Variants in PALM2AKAP2 observed in about 807,000 individuals in gnomAD.
PALM2AKAP2 encodes the protein PALM2-AKAP2 fusion protein.
Under a neutral mutation model 71.5 loss-of-function variants are expected in PALM2AKAP2, and 37 were observed. The ratio of observed to expected loss-of-function variants is 0.52; its 90% CI spans 0.40 to 0.68. The LOEUF is 0.68. Ranked by LOEUF, PALM2AKAP2 falls within the 30% of genes least tolerant of loss-of-function variation. The pLI is 0.00. For synonymous variants in PALM2AKAP2, 468 were observed against 478.8 expected, an observed-to-expected ratio of 0.98 and a Z score of 0.29; for missense variants, 1,224 against 1,191.8, an observed-to-expected ratio of 1.03 and a Z score of -0.40.
At chr9:109,932,387 C>T (rs1831126470) in intron 6 of PALM2AKAP2, among the ~76,000 whole-genome samples, 1 of 152,192 alleles carries the variant, frequency 6.6e-6, no homozygotes, top group Non-Finnish European at 1.5e-5. Context: ...AGAGAGCCAT[C>T]CATGATGGAA....
chr9:110,002,472 G>T (rs1268021394), intron 6 of PALM2AKAP2, among the ~76,000 whole-genome samples: 2 of 151,862 alleles, frequency 1.3e-5, no homozygotes, highest in Non-Finnish European at 2.9e-5. Flanking sequence ...TGTTCATCAG[G>T]GATATTGGTC....
intron 1 of PALM2AKAP2, among the ~76,000 whole-genome samples, chr9:109,791,227 T>C (rs1034185459): frequency 2.6e-5 from 4 of 152,188 alleles, no homozygotes; most frequent in African/African-American, 9.7e-5. Flanking sequence ...CAGATCAGTA[T>C]TGGATGCGAT....
intron 1 of PALM2AKAP2, among the ~76,000 whole-genome samples, chr9:110,058,610 C>G (rs1251419641): frequency 6.6e-6 from 1 of 152,094 alleles, no homozygotes; most frequent in African/African-American, 2.4e-5. Context: ...TTTCTACCAT[C>G]TTTTCCTCCC....
intron 1 of PALM2AKAP2, among the ~76,000 whole-genome samples, chr9:110,049,054 T>C (rs578026042): frequency 6.6e-6 from 1 of 152,284 alleles, no homozygotes; most frequent in East Asian, 1.9e-4. Flanking sequence ...GCTGTGGCCA[T>C]GTGGATTTGA....
chr9:110,112,902 G>T (rs772954716), intron 1 of PALM2AKAP2, among the ~76,000 whole-genome samples: 4 of 152,214 alleles, frequency 2.6e-5, no homozygotes, highest in Non-Finnish European at 5.9e-5. Flanking sequence ...AAATCGCATG[G>T]TCTAATGCCC....
At chr9:110,072,667 A>G (rs1834230184) in intron 1 of PALM2AKAP2, among the ~76,000 whole-genome samples, 1 of 152,138 alleles carries the variant, frequency 6.6e-6, no homozygotes, top group East Asian at 1.9e-4. Context: ...TTCATAGGGC[A>G]TAAATGCTAT....
chr9:109,788,835 G>A (rs528366892), intron 1 of PALM2AKAP2, among the ~76,000 whole-genome samples: 1 of 152,358 alleles, frequency 6.6e-6, no homozygotes, highest in East Asian at 1.9e-4. Flanking sequence ...CTACTTGGGA[G>A]GCTGAGGTGG....
At chr9:109,952,821 G>A (rs1401225853) in intron 6 of PALM2AKAP2, among the ~76,000 whole-genome samples, 3 of 152,176 alleles carry the variant, frequency 2.0e-5, no homozygotes, top group Admixed American at 6.5e-5. Context: ...GCATACCAAC[G>A]GGTTCAAATG....
intron 1 of PALM2AKAP2, among the ~76,000 whole-genome samples, chr9:109,800,522 A>G (rs558439416): frequency 7.3e-4 from 111 of 152,278 alleles, no homozygotes; most frequent in Non-Finnish European, 1.1e-3. Context: ...AACGACTCAC[A>G]TGTTGCCACC....
At chr9:109,890,176 A>G (rs1830054569) in intron 3 of PALM2AKAP2, among the ~76,000 whole-genome samples, 1 of 152,216 alleles carries the variant, frequency 6.6e-6, no homozygotes. Flanking sequence ...AGCAGACAAG[A>G]TGGTGTCTCA....
intron 1 of PALM2AKAP2, among the ~76,000 whole-genome samples, chr9:110,117,872 T>TAG (rs56179548): frequency 1.8e-4 from 26 of 144,194 alleles, no homozygotes; most frequent in African/African-American, 6.0e-4. Flanking sequence ...TATATATATA[T>TAG]AGAGAGAGAG....
intron 7 of PALM2AKAP2, among the ~76,000 whole-genome samples, chr9:110,038,716 A>T (rs1252911241): frequency 6.6e-6 from 1 of 152,012 alleles, no homozygotes; most frequent in African/African-American, 2.4e-5. Context: ...AGGTGGGCAG[A>T]TCACCTGAGG....
chr9:110,164,002 G>A (rs1389474629), intron 3 of PALM2AKAP2, among the ~76,000 whole-genome samples: 1 of 151,810 alleles, frequency 6.6e-6, no homozygotes, highest in Non-Finnish European at 1.5e-5. Flanking sequence ...AAGTTTTTTG[G>A]TCTCTCTATT....
At chr9:109,888,711 CAAAAAAAAAAAA>C (rs34495775) in intron 3 of PALM2AKAP2, among the ~76,000 whole-genome samples, 1 of 98,828 alleles carries the variant, frequency 1.0e-5, no homozygotes, top group Non-Finnish European at 1.9e-5. Flanking sequence ...ATTTTGCCTC[CAAAAAAAAAAAA>C]AAAAAAAAAG....
intron 1 of PALM2AKAP2, among the ~76,000 whole-genome samples, chr9:110,133,765 G>A (rs1835786041): frequency 6.6e-6 from 1 of 152,070 alleles, no homozygotes; most frequent in Admixed American, 6.6e-5. Flanking sequence ...CCAGGGGTGA[G>A]GGTGCCATAG....
exon 2 of PALM2AKAP2, chr9:110,136,718 T>C: frequency 6.2e-7 from 1 of 1,614,128 alleles, no homozygotes; most frequent in Non-Finnish European, 8.5e-7. Flanking sequence ...CAGCTCACGG[T>C]GTTCTTCCCG....
At chr9:109,958,847 C>T (rs1234529794) in intron 6 of PALM2AKAP2, among the ~76,000 whole-genome samples, 2 of 152,236 alleles carry the variant, frequency 1.3e-5, no homozygotes, top group Non-Finnish European at 2.9e-5. Flanking sequence ...CCACCCGTCA[C>T]TGCCTTGTTC....
chr9:109,744,840 T>C (rs1828774932), intron 1 of PALM2AKAP2, among the ~76,000 whole-genome samples: 1 of 152,108 alleles, frequency 6.6e-6, no homozygotes. Context: ...AATCCAGCAT[T>C]AAGATTTTGA....
intron 1 of PALM2AKAP2, among the ~76,000 whole-genome samples, chr9:109,774,546 TAGTAA>T (rs1436726806): frequency 6.6e-6 from 1 of 152,126 alleles, no homozygotes; most frequent in East Asian, 1.9e-4. Flanking sequence ...AAGCAGAGTC[TAGTAA>T]AGGTGTTTCT....
Sources: allele counts gnomAD v4.1 joint callset (sites outside exome capture counted in the v4.1 genomes callset), GRCh38; gene constraint gnomAD v4.1.1; transcripts MANE v1.5; gene names NCBI Gene and HGNC (gene_info 2026-07-23, HGNC 2026-07-21).